SMAP2: variants seen among roughly 807,000 people sequenced by gnomAD.
SMAP2 encodes small ArfGAP2, also known as stromal membrane-associated protein 2.
In SMAP2, 25 loss-of-function variants were observed where a neutral mutation model predicts 56.4. The observed-to-expected ratio is 0.44, with a 90% CI of 0.32 to 0.62. The LOEUF (loss-of-function observed/expected upper bound fraction) is 0.62. Ranked by LOEUF, SMAP2 falls within the 20% of genes least tolerant of loss-of-function variation. The pLI is 0.04. For synonymous variants in SMAP2, 157 were observed against 181.7 expected, an observed-to-expected ratio of 0.86 and a Z score of 1.09; for missense variants, 388 against 545.6, an observed-to-expected ratio of 0.71 and a Z score of 2.88.
intron 1 of SMAP2, among the ~76,000 whole-genome samples, chr1:40,349,377 C>G (rs1644401196): frequency 6.6e-6 from 1 of 152,156 alleles, no homozygotes; most frequent in African/African-American, 2.4e-5. Flanking sequence ...ACCTTTTTAT[C>G]CTCATGTTAC....
intron 1 of SMAP2, chr1:40,393,400 G>A: frequency 6.5e-7 from 1 of 1,535,616 alleles, no homozygotes; most frequent in Non-Finnish European, 8.7e-7. Context: ...GTTGGAATAG[G>A]AAGGAGAAAA....
At chr1:40,403,560 A>G in intron 1 of SMAP2, 1 of 553,330 alleles carries the variant, frequency 1.8e-6, no homozygotes, top group Non-Finnish European at 2.3e-6. Context: ...GTTGGTATAT[A>G]TTACATATAT....
intron 2 of SMAP2, among the ~76,000 whole-genome samples, chr1:40,407,274 TAGG>T (rs1569903614): frequency 1.3e-5 from 2 of 152,022 alleles, no homozygotes; most frequent in East Asian, 3.9e-4. Flanking sequence ...CTCTTGAGTC[TAGG>T]AGTTCAAGAC....
intron 1 of SMAP2, among the ~76,000 whole-genome samples, chr1:40,381,719 GTT>G (rs1486248140): frequency 6.6e-6 from 1 of 152,144 alleles, no homozygotes; most frequent in Non-Finnish European, 1.5e-5. Context: ...TAGACTTCCT[GTT>G]GTGTAAGAAG....
rs72950016 is a variant in SMAP2, at chr1:40,394,052, C to G, written c.104-12684C>G. Among the ~76,000 whole-genome samples, 374 of 152,232 alleles carry G rather than the reference C, an allele frequency of 2.5e-3. 1 individual carries two copies. The highest frequency in any genetic ancestry group is 8.0e-3 in the African/African-American group (334 of 41,536). ...CAGTCATAGATTTTTAGCTGGCTCT[C>G]TTTATCATTTGCAACTGAGTTCATT... On this transcript the variant is annotated intron_variant, in intron 1 of 9. Coordinates refer to ENST00000372718, the MANE Select transcript of SMAP2 (RefSeq NM_022733.3).
intron 9 of SMAP2, among the ~76,000 whole-genome samples, chr1:40,418,645 C>G (rs1196267528): frequency 1.3e-5 from 2 of 152,186 alleles, no homozygotes; most frequent in Non-Finnish European, 2.9e-5. Flanking sequence ...CCAACCTTTT[C>G]CATACCTCCT....
chr1:40,418,787 A>G (rs531678811), intron 9 of SMAP2, among the ~76,000 whole-genome samples: 10 of 152,366 alleles, frequency 6.6e-5, no homozygotes, highest in Admixed American at 5.9e-4. Flanking sequence ...GCAAGACACA[A>G]CAAGTATTTT....
In SMAP2 at chr1:40,408,790, G is replaced by GA; in HGVS notation, c.323+53dup. On this transcript the variant is annotated intron_variant, in intron 3 of 9. Coordinates refer to ENST00000372718, the MANE Select transcript of SMAP2 (RefSeq NM_022733.3). This position sits in a 1 kb window ranked among gnomAD's most constrained non-coding sequence, Gnocchi z 4.3. ...GCTGAGTGGTATTTTGATGCTTGGG[G>GA]AGAGTCAGACAAGACTCCAGTCCTG... The GA allele has an allele frequency of 6.9e-7, 1 of 1,456,860 alleles. No homozygotes were observed. The allele number at this position is 1,456,860 out of a possible 1,614,324, so 90.2% of individuals were successfully genotyped here.
chr1:40,414,999 G>A (rs1324640475), intron 6 of SMAP2, among the ~76,000 whole-genome samples: 3 of 152,170 alleles, frequency 2.0e-5, no homozygotes, highest in Non-Finnish European at 4.4e-5. Flanking sequence ...CCAGAAGGGA[G>A]CCAGCCAGCC....
intron 1 of SMAP2, among the ~76,000 whole-genome samples, chr1:40,361,532 C>A (rs1644459814): frequency 6.6e-6 from 1 of 152,100 alleles, no homozygotes; most frequent in South Asian, 2.1e-4. Context: ...CCCTTGAGGT[C>A]CCCAATTCCA....
chr1:40,358,897 G>T (rs754224421), intron 1 of SMAP2, among the ~76,000 whole-genome samples: 97 of 152,132 alleles, frequency 6.4e-4, no homozygotes, highest in Middle Eastern at 3.4e-3. Context: ...ATATATTTGG[G>T]TGCTCCAGTG....
chr1:40,374,039 G>A lies in SMAP2; in HGVS notation c.-82G>A, dbSNP rs1644517438. The A allele has an allele frequency of 9.4e-7, 1 of 1,061,282 alleles. No homozygotes were observed. The highest frequency in any genetic ancestry group is 2.1e-5 in the Admixed American group (1 of 47,990). 65.7% of individuals were successfully genotyped at this position (1,061,282 alleles called of 1,614,324 possible). ...GAGGTGCCCCTGGGCGGGGGACCGG[G>A]AGTCCTCAACCCCGGACTGAGGCAG... On this transcript the variant is annotated 5_prime_UTR_variant, in exon 1 of 10. Transcript: ENST00000372718. The surrounding 1 kb of genome is among the most constrained non-coding windows in gnomAD (Gnocchi z 5.9).
At chr1:40,399,310 A>ATTTTT (rs747127620) in intron 1 of SMAP2, among the ~76,000 whole-genome samples, 5,312 of 91,658 alleles carry the variant, frequency 0.058, 584 homozygotes, top group East Asian at 0.24. Flanking sequence ...ACGTGTGGCT[A>ATTTTT]TTTTTTTTTT....
Position 40,386,074 on chromosome 1 carries a change from T to G in SMAP2, c.103+11851T>G, listed in dbSNP as rs943394290. Among the ~76,000 whole-genome samples, 1 of 152,330 alleles carries G rather than the reference T, an allele frequency of 6.6e-6. No homozygotes were observed. Among genetic ancestry groups the G allele is most frequent in the African/African-American group, 2.4e-5 (1 of 41,558 alleles). On this transcript the variant is annotated intron_variant, in intron 1 of 9. Transcript: ENST00000372718. This position sits in a 1 kb window ranked among gnomAD's most constrained non-coding sequence, Gnocchi z 4.1. ...GGGCATTGGTGTCTTTTTGTTGTTG[T>G]TGACACTTTATCACTCCTTATAACT...
In SMAP2 at chr1:40,411,210, A is replaced by G. The variant is rs1031104640; in HGVS notation, c.402+1375A>G. On this transcript the variant is annotated intron_variant, in intron 4 of 9. Transcript: ENST00000372718. ...GGACTCTTACCTTGCAGTTATCCAG[A>G]AAAGGGACTTGTCAATATCATATCT... 9.2e-5 allele frequency among the ~76,000 whole-genome samples: 14 copies of G among 152,354 alleles called. 1 individual carries two copies. Among genetic ancestry groups the G allele is most frequent in the East Asian group, 5.8e-4 (3 of 5,194 alleles).
intron 9 of SMAP2, among the ~76,000 whole-genome samples, chr1:40,421,475 G>GC (rs1645041530): frequency 7.1e-6 from 1 of 141,828 alleles, no homozygotes; most frequent in Non-Finnish European, 1.5e-5. Flanking sequence ...CCCCGCCACC[G>GC]CCTTTGTTCA....
At chr1:40,363,186 T>C (rs1644466719) in intron 2 of SMAP2, among the ~76,000 whole-genome samples, 1 of 152,168 alleles carries the variant, frequency 6.6e-6, no homozygotes, top group African/African-American at 2.4e-5. Flanking sequence ...AACAAAATAT[T>C]GTCATTTAAC....
At chr1:40,382,100 C>CTAGA (rs1644604996) in intron 1 of SMAP2, among the ~76,000 whole-genome samples, 1 of 152,048 alleles carries the variant, frequency 6.6e-6, no homozygotes, top group Admixed American at 6.6e-5. Flanking sequence ...TCTTTTTTTT[C>CTAGA]TAGATAAATT....
At chr1:40,388,115 C>T (rs1470371053) in intron 1 of SMAP2, among the ~76,000 whole-genome samples, 2 of 152,184 alleles carry the variant, frequency 1.3e-5, no homozygotes, top group African/African-American at 2.4e-5. Flanking sequence ...ACCTGCAGCC[C>T]GCCATGCCTG....
Sources: allele counts gnomAD v4.1 joint callset (sites outside exome capture counted in the v4.1 genomes callset), GRCh38; gene constraint gnomAD v4.1.1; non-coding constraint Gnocchi (gnomAD v3.1); transcripts MANE v1.5; gene names NCBI Gene and HGNC (gene_info 2026-07-23, HGNC 2026-07-21).